IVNS1ABP: variants seen among roughly 807,000 people sequenced by gnomAD.
The protein encoded by IVNS1ABP is influenza virus NS1A binding protein, also known as influenza virus NS1A-binding protein.
A neutral mutation model predicts 78.9 loss-of-function variants in IVNS1ABP; 25 were observed. The ratio of observed to expected loss-of-function variants is 0.32; its 90% CI spans 0.23 to 0.44. The LOEUF is 0.44. Ranked by LOEUF, IVNS1ABP falls within the 20% of genes least tolerant of loss-of-function variation. The probability of loss-of-function intolerance (pLI) is 1.00; values close to 1 mark genes in which losing one functional copy is unlikely to be tolerated. For synonymous variants in IVNS1ABP, 241 were observed against 259.7 expected (o/e 0.93, Z 0.69); for missense variants, 494 against 768.9 (o/e 0.64, Z 4.23).
At chr1:185,307,754 C>T (rs984374655) in intron 5 of IVNS1ABP, 92 bp from the exon 6 acceptor site, 1 of 1,344,682 alleles carries the variant, frequency 7.4e-7, no homozygotes, top group African/African-American at 1.5e-5. Flanking sequence ...TGTGAAGATA[C>T]AAAGAATCAA....
chr1:185,310,444 C>G (rs1223365148), intron 2 of IVNS1ABP, among the ~76,000 whole-genome samples: 1 of 152,040 alleles, frequency 6.6e-6, no homozygotes, highest in Non-Finnish European at 1.5e-5. Context: ...CCTATCTCTA[C>G]TAAAAATACA....
Position 185,300,564 on chromosome 1 carries a change from A to G in IVNS1ABP, c.1121-6T>C. ...TTCCTCTCTGTTATAGCCACCTGGT[A>G]AAAAATAAAACCATAAAGATTTATG... On this transcript the variant is annotated splice_polypyrimidine_tract_variant and splice_region_variant and intron_variant, in intron 10 of 14. Coordinates refer to ENST00000367498, the MANE Select transcript of IVNS1ABP (RefSeq NM_006469.5). 1 of 1,611,928 alleles carries G rather than the reference A, an allele frequency of 6.2e-7. No individual in the cohort carries two copies. Among genetic ancestry groups the G allele is most frequent in the Non-Finnish European group, 8.5e-7 (1 of 1,178,724 alleles).
At position 185,311,134 on chromosome 1, in the gene IVNS1ABP, A is replaced by C. The variant is rs1665876477; in HGVS notation, c.-58T>G. 1 of 375,112 alleles carries C rather than the reference A, an allele frequency of 2.7e-6. No individual in the cohort carries two copies. Among genetic ancestry groups the C allele is most frequent in the Admixed American group, 4.6e-5 (1 of 21,834 alleles). The allele number at this position is 375,112 out of a possible 1,614,324, so 23.2% of individuals were successfully genotyped here. A position where few individuals can be genotyped will look rare whatever the true frequency, so the allele number is the denominator to read the frequency against. ...GCAAATGTATTTCTGGGAACTCTTA[A>C]GTAATCCAAGGACAAAGGAGTGTTA... On this transcript the variant is annotated 5_prime_UTR_variant, in exon 2 of 15. Coordinates refer to ENST00000367498, the MANE Select transcript of IVNS1ABP (RefSeq NM_006469.5).
rs940556050 is a variant in IVNS1ABP at position 185,305,306 on chromosome 1, T to G, written c.765+230A>C. On this transcript the variant is annotated intron_variant, in intron 8 of 14. Coordinates refer to ENST00000367498, the MANE Select transcript of IVNS1ABP (RefSeq NM_006469.5). This position sits in a 1 kb window ranked among gnomAD's most constrained non-coding sequence, Gnocchi z 4.0. ...CTTATTGGCCTTTACTGTTTGTAAT[T>G]CCTGCTTTATGAGAAAAAAATTTCA... 6.6e-6 allele frequency among the ~76,000 whole-genome samples: 1 copy of G among 152,172 alleles called. No homozygotes were observed. The highest frequency in any genetic ancestry group is 2.4e-5 in the African/African-American group (1 of 41,446).
At chr1:185,313,211 CA>C (rs901070751) in intron 1 of IVNS1ABP, among the ~76,000 whole-genome samples, 2 of 152,156 alleles carry the variant, frequency 1.3e-5, no homozygotes, top group Non-Finnish European at 2.9e-5. Flanking sequence ...TTGCATCAGA[CA>C]AATTTGTACA....
Position 185,298,655 on chromosome 1 carries a change from C to G in IVNS1ABP, c.1676-367G>C, listed in dbSNP as rs1210627696. ...TCCTACAGATGCAGCTACTAAGTAG[C>G]AAACCAGAATAGTTCTGTGCACTGG... On this transcript the variant is annotated intron_variant, in intron 14 of 14. Transcript: ENST00000367498. This position sits in a 1 kb window ranked among gnomAD's most constrained non-coding sequence, Gnocchi z 4.1. The G allele has an allele frequency of 3.6e-6, 1 of 276,996 alleles. No individual in the cohort carries two copies. Among genetic ancestry groups the G allele is most frequent in the African/African-American group, 2.3e-5 (1 of 44,338 alleles). 17.2% of individuals were successfully genotyped at this position (276,996 alleles called of 1,614,324 possible).
intron 2 of IVNS1ABP, 117 bp downstream of exon 2, chr1:185,310,978 T>C: frequency 4.1e-6 from 1 of 245,526 alleles, no homozygotes. Flanking sequence ...TATACTCAAA[T>C]GATTACTGAC....
Position 185,305,655 on chromosome 1 carries a change from C to A in IVNS1ABP, c.658-12G>T, listed in dbSNP as rs754699849. Reference sequence around the variant, plus strand: ...TACAAGGTTTGAACCTGCAAAACAGCAACAGAACACCCATGTGGCTACGGT... The same window carrying A: ...TACAAGGTTTGAACCTGCAAAACAGAAACAGAACACCCATGTGGCTACGGT... On this transcript the variant is annotated splice_polypyrimidine_tract_variant and intron_variant, in intron 7 of 14. Coordinates refer to ENST00000367498, the MANE Select transcript of IVNS1ABP (RefSeq NM_006469.5). This position sits in a 1 kb window ranked among gnomAD's most constrained non-coding sequence, Gnocchi z 4.0. The A allele has an allele frequency of 5.6e-6, 9 of 1,612,624 alleles. No homozygotes were observed. The highest frequency in any genetic ancestry group is 1.7e-5 in the Admixed American group (1 of 59,810).
intron 9 of IVNS1ABP, 78 bp from the exon 10 acceptor site, chr1:185,301,274 G>T (rs186217317): frequency 1.4e-6 from 2 of 1,415,676 alleles, no homozygotes; most frequent in African/African-American, 2.8e-5. Context: ...TTGGACTCCA[G>T]TCTCCACATC....
chr1:185,308,696 T>C (rs1240765522), intron 5 of IVNS1ABP, 104 bp downstream of exon 5: 6 of 810,004 alleles, frequency 7.4e-6, no homozygotes, highest in Non-Finnish European at 1.0e-5. Flanking sequence ...AAAAGGGACA[T>C]GTTCAAGTCC....
intron 7 of IVNS1ABP, chr1:185,306,289 T>C: frequency 3.4e-6 from 1 of 290,454 alleles, no homozygotes; most frequent in Non-Finnish European, 6.4e-6. Context: ...CTCCGAAAGG[T>C]TTAAGTGGAG....
At chr1:185,303,082 C>T (rs2102815585) in intron 8 of IVNS1ABP, among the ~76,000 whole-genome samples, 1 of 152,064 alleles carries the variant, frequency 6.6e-6, no homozygotes, top group South Asian at 2.1e-4. Context: ...TTACAAGGTA[C>T]ATAAAACCTC....
intron 5 of IVNS1ABP, among the ~76,000 whole-genome samples, chr1:185,308,425 T>C (rs1665795926): frequency 6.6e-6 from 1 of 152,200 alleles, no homozygotes; most frequent in South Asian, 2.1e-4. Context: ...TACTTTTTAC[T>C]GGCATTAAAT....
At chr1:185,316,751 G>A (rs1233053939) in intron 1 of IVNS1ABP, among the ~76,000 whole-genome samples, 3 of 152,152 alleles carry the variant, frequency 2.0e-5, no homozygotes, top group Non-Finnish European at 4.4e-5. Context: ...TGGCAACCAT[G>A]GCAGCGCTGG....
chr1:185,299,837 T>A lies in IVNS1ABP; in HGVS notation c.1548A>T (p.Ile516=), dbSNP rs1355142723. The A allele has an allele frequency of 1.9e-6, 3 of 1,613,776 alleles. No homozygotes were observed. Residue 516 remains isoleucine, a synonymous_variant, in exon 14 of 15, where the codon ATA becomes ATT. Transcript: ENST00000367498. ...AATTCCAAGATTCTGCACCTCCGAT[T>A]ATGTACAAATAACCACCAAGCTCAC... ...AVCELGGYLY[I]IGGAESWNCL...
rs540666185 is a variant in IVNS1ABP, at chr1:185,300,048, T to G, written c.1452A>C (p.Val484=). 6.2e-7 allele frequency: 1 copy of G among 1,613,446 alleles called. No homozygotes were observed. The highest frequency in any genetic ancestry group is 1.1e-5 in the South Asian group (1 of 91,072). The change falls in exon 13 of 15, where the codon GTA becomes GTC. Residue 484 remains valine, a synonymous_variant. Transcript: ENST00000367498. ...TCCACAACTTTGTTACAGGATCAAA[T>G]ACATCACAATTTTTCAGTCCTTTTT... is the stretch of plus-strand genomic sequence containing the variant. ...YGQKGLKNCD[V]FDPVTKLWTS... is the part of the protein sequence containing the mutation.
chr1:185,299,312 G>A (rs1056977193), intron 14 of IVNS1ABP: 5 of 184,558 alleles, frequency 2.7e-5, no homozygotes, highest in African/African-American at 4.7e-5. Context: ...TCTAAAGGTT[G>A]TATTTCCAAT....
In IVNS1ABP at chr1:185,305,234, A is replaced by G. The variant is rs374429208; in HGVS notation, c.765+302T>C. Among the ~76,000 whole-genome samples, 6 of 152,142 alleles carry G rather than the reference A, an allele frequency of 3.9e-5. No homozygotes were observed. The highest frequency in any genetic ancestry group is 1.4e-4 in the African/African-American group (6 of 41,438). ...AAACTATCAGTCATGCCTGACACAA[A>G]CAACTGCTTTTCATAATCTTCCCAA... On this transcript the variant is annotated intron_variant, in intron 8 of 14. Transcript: ENST00000367498. This position sits in a 1 kb window ranked among gnomAD's most constrained non-coding sequence, Gnocchi z 4.0.
At chr1:185,312,724 C>T (rs1161336638) in intron 1 of IVNS1ABP, among the ~76,000 whole-genome samples, 1 of 152,204 alleles carries the variant, frequency 6.6e-6, no homozygotes, top group Non-Finnish European at 1.5e-5. Context: ...TGGCTTTTCT[C>T]TAAGAAACTA....
Sources: gnomAD v4.1 joint callset for allele counts (sites outside exome capture counted in the v4.1 genomes callset) on GRCh38, gnomAD v4.1.1 for gene constraint, Gnocchi (gnomAD v3.1) non-coding constraint, MANE v1.5 for transcripts, NCBI Gene and HGNC (gene_info 2026-07-23, HGNC 2026-07-21) for gene names.